Variants in RAB3C observed in about 807,000 individuals in gnomAD.
The protein encoded by RAB3C is RAB3C, member RAS oncogene family.
Under a neutral mutation model 26.4 loss-of-function variants are expected in RAB3C, and 17 were observed. The observed-to-expected ratio is 0.64, with a 90% CI of 0.44 to 0.97. RAB3C has a LOEUF of 0.97. Ranked by LOEUF, RAB3C falls within the 50% of genes least tolerant of loss-of-function variation. The probability of loss-of-function intolerance (pLI) is 0.00; values close to 1 mark genes in which losing one functional copy is unlikely to be tolerated. For missense variants in RAB3C, 242 were observed against 281.9 expected, an observed-to-expected ratio of 0.86 and a Z score of 1.01; for synonymous variants, 91 against 95.9, an observed-to-expected ratio of 0.95 and a Z score of 0.30.
intron 3 of RAB3C, among the ~76,000 whole-genome samples, chr5:58,746,467 C>T (rs1366138698): frequency 6.6e-6 from 1 of 152,162 alleles, no homozygotes; most frequent in African/African-American, 2.4e-5. Flanking sequence ...CATATATGCA[C>T]ACACACGTAG....
intron 2 of RAB3C, among the ~76,000 whole-genome samples, chr5:58,714,156 A>G (rs946223525): frequency 2.6e-5 from 4 of 152,162 alleles, no homozygotes; most frequent in Non-Finnish European, 4.4e-5. Flanking sequence ...TTCCTAGCCA[A>G]TAGGAAGACA....
chr5:58,597,259 A>G (rs1746332212), intron 1 of RAB3C, among the ~76,000 whole-genome samples: 3 of 116,752 alleles, frequency 2.6e-5, no homozygotes, highest in African/African-American at 1.0e-4. Flanking sequence ...AATATATACT[A>G]CACAATATAT....
chr5:58,666,344 G>A (rs916109640), intron 2 of RAB3C, among the ~76,000 whole-genome samples: 3 of 152,184 alleles, frequency 2.0e-5, no homozygotes, highest in Non-Finnish European at 4.4e-5. Flanking sequence ...AGGTGAACAA[G>A]CTATTACTCT....
chr5:58,710,316 A>G (rs1159963622), intron 2 of RAB3C, among the ~76,000 whole-genome samples: 1 of 152,092 alleles, frequency 6.6e-6, no homozygotes, highest in African/African-American at 2.4e-5. Flanking sequence ...AAGCTTTTCC[A>G]GGCCGGGCGT....
chr5:58,595,163 C>A (rs1746220711), intron 1 of RAB3C, among the ~76,000 whole-genome samples: 1 of 152,138 alleles, frequency 6.6e-6, no homozygotes. Flanking sequence ...AGTTGCATAG[C>A]TTTGAGAACA....
intron 3 of RAB3C, among the ~76,000 whole-genome samples, chr5:58,731,227 A>C (rs1385553315): frequency 1.3e-5 from 2 of 152,078 alleles, no homozygotes; most frequent in East Asian, 3.9e-4. Flanking sequence ...CTCTTTTTTG[A>C]AAACACATTA....
chr5:58,612,869 G>A (rs1746745021), intron 1 of RAB3C, among the ~76,000 whole-genome samples: 1 of 151,956 alleles, frequency 6.6e-6, no homozygotes, highest in Non-Finnish European at 1.5e-5. Flanking sequence ...TGTTGAATAG[G>A]AGTGGTGAAA....
chr5:58,648,994 T>C (rs904436039), intron 2 of RAB3C, among the ~76,000 whole-genome samples: 2 of 152,162 alleles, frequency 1.3e-5, no homozygotes, highest in Non-Finnish European at 2.9e-5. Context: ...ACCGAGGTTA[T>C]AAACCAAACA....
At chr5:58,826,300 C>A (rs1355394283) in intron 4 of RAB3C, among the ~76,000 whole-genome samples, 1 of 151,940 alleles carries the variant, frequency 6.6e-6, no homozygotes, top group Non-Finnish European at 1.5e-5. Context: ...GTAGAATTTG[C>A]AACTACAAAG....
intron 2 of RAB3C, among the ~76,000 whole-genome samples, chr5:58,722,679 T>G (rs775217162): frequency 4.0e-5 from 6 of 151,806 alleles, no homozygotes; most frequent in Non-Finnish European, 5.9e-5. Context: ...ATCCATATTG[T>G]CTACCTTTCT....
intron 4 of RAB3C, chr5:58,848,448 T>G (rs999415555): frequency 2.0e-5 from 3 of 151,992 alleles, no homozygotes; most frequent in Non-Finnish European, 4.4e-5. Flanking sequence ...AGCAGGAGAG[T>G]GTACAAGTTA....
chr5:58,723,205 C>G (rs1740812581), intron 2 of RAB3C, among the ~76,000 whole-genome samples: 1 of 151,670 alleles, frequency 6.6e-6, no homozygotes, highest in South Asian at 2.1e-4. Context: ...GAAATCTTTA[C>G]TTTCTTTTTT....
In RAB3C at chr5:58,765,758, A is replaced by G. The variant is rs527875392; in HGVS notation, c.371+39638A>G. ...CATTGATATATGATATCAAGACATA[A>G]TATGGTGATATGGTTTGGATTTGTG... On this transcript the variant is annotated intron_variant, in intron 3 of 4. Coordinates refer to ENST00000282878, the MANE Select transcript of RAB3C (RefSeq NM_138453.4). Among the ~76,000 whole-genome samples, 69 of 152,312 alleles carry G rather than the reference A, an allele frequency of 4.5e-4. 1 individual carries two copies. The Middle Eastern group carries it at 0.024, about 53-fold the overall frequency.
chr5:58,601,267 A>G (rs1418881088), intron 1 of RAB3C, among the ~76,000 whole-genome samples: 2 of 152,022 alleles, frequency 1.3e-5, no homozygotes, highest in African/African-American at 4.8e-5. Flanking sequence ...TAAGGATTTT[A>G]GCATCTGTGT....
chr5:58,793,308 C>T lies in RAB3C; in HGVS notation c.372-31730C>T, dbSNP rs529428741. Among the ~76,000 whole-genome samples, 41 of 152,246 alleles carry T rather than the reference C, an allele frequency of 2.7e-4. 2 individuals carry two copies. The South Asian group carries it at 8.5e-3, about 32-fold the overall frequency. ...GCGCGGTGGCTCGTGCCTGTAATCC[C>T]AGCACTTTGGGGGGCCGAGGCAGGC... On this transcript the variant is annotated intron_variant, in intron 3 of 4. Transcript: ENST00000282878.
At chr5:58,671,281 C>A (rs189701999) in intron 2 of RAB3C, among the ~76,000 whole-genome samples, 4 of 152,108 alleles carry the variant, frequency 2.6e-5, no homozygotes, top group Non-Finnish European at 5.9e-5. Context: ...ATTCTCCCCC[C>A]ACTTTGAAAT....
intron 3 of RAB3C, among the ~76,000 whole-genome samples, chr5:58,791,783 A>G (rs1742528337): frequency 1.3e-5 from 2 of 152,276 alleles, no homozygotes; most frequent in Admixed American, 1.3e-4. Context: ...AGCCTCCCAA[A>G]CTTTAGTAAT....
chr5:58,786,853 C>T lies in RAB3C; in HGVS notation c.372-38185C>T, dbSNP rs79356977. Among the ~76,000 whole-genome samples, 1,519 of 152,156 alleles carry T rather than the reference C, an allele frequency of 1.0e-2. 29 individuals carry two copies. Among genetic ancestry groups the T allele is most frequent in the East Asian group, 0.072 (371 of 5,166 alleles). ...CGCCCCCTCACCCCCCGCCAGCCCCCCGCATAGGAAAGTTCCTACTGCGGT... is the reference window on the plus strand; with the variant it reads ...CGCCCCCTCACCCCCCGCCAGCCCCTCGCATAGGAAAGTTCCTACTGCGGT... On this transcript the variant is annotated intron_variant, in intron 3 of 4. Transcript: ENST00000282878.
rs539412876 is a variant in RAB3C, at chr5:58,835,974, C to A, written c.496+10812C>A. On this transcript the variant is annotated intron_variant, in intron 4 of 4. Coordinates refer to ENST00000282878, the MANE Select transcript of RAB3C (RefSeq NM_138453.4). ...CACACTGGCCAGTGTTATTTCCTTT[C>A]TCCCAGGGTAAAATTATTAGGGCGG... 3.3e-5 allele frequency among the ~76,000 whole-genome samples: 5 copies of A among 152,272 alleles called. No homozygotes were observed. The South Asian group carries it at 1.0e-3, about 32-fold the overall frequency.
Sources: allele counts gnomAD v4.1 joint callset (sites outside exome capture counted in the v4.1 genomes callset), GRCh38; gene constraint gnomAD v4.1.1; transcripts MANE v1.5; gene names NCBI Gene and HGNC (gene_info 2026-07-23, HGNC 2026-07-21).